The following MOB3A variants were observed in gnomAD, a reference collection of about 807,000 sequenced individuals.
MOB3A encodes the protein MOB LAK.
MOB3A carries 17 observed loss-of-function variants against 17.8 expected under a neutral mutation model. That is an observed-to-expected ratio of 0.95 (90% CI 0.65 to 1.43). The LOEUF is 1.43. Ranked by LOEUF, MOB3A falls within the 40% of genes most tolerant of loss-of-function variation. The pLI is 0.00. For missense variants in MOB3A, 333 were observed against 310.8 expected (o/e 1.07, Z -0.54); for synonymous variants, 124 against 133.2 (o/e 0.93, Z 0.48).
chr19:2,094,233 G>A (rs191232315), intron 1 of MOB3A, among the ~76,000 whole-genome samples: 1 of 151,896 alleles, frequency 6.6e-6, no homozygotes, highest in Non-Finnish European at 1.5e-5. Flanking sequence ...CTTTTTAGTA[G>A]AGACGGGGTT....
Position 2,093,039 on chromosome 19 carries a change from C to T in MOB3A, c.-274+3187G>A, listed in dbSNP as rs926383511. 2.0e-5 allele frequency among the ~76,000 whole-genome samples: 3 copies of T among 152,072 alleles called. No homozygotes were observed. Among genetic ancestry groups the T allele is most frequent in the Admixed American group, 6.6e-5 (1 of 15,264 alleles). On this transcript the variant is annotated intron_variant, in intron 1 of 4. Coordinates refer to ENST00000357066, the MANE Select transcript of MOB3A (RefSeq NM_130807.3). The surrounding 1 kb of genome is among the most constrained non-coding windows in gnomAD (Gnocchi z 4.6). ...CCAGGAAAACAGGAACAGAGCTCAT[C>T]GGCTGGGGAAGGTCTAAAACTCCCC...
intron 2 of MOB3A, among the ~76,000 whole-genome samples, chr19:2,080,511 G>A (rs1414268753): frequency 1.3e-5 from 2 of 151,978 alleles, no homozygotes; most frequent in Non-Finnish European, 2.9e-5. Flanking sequence ...CCGAGTAGCT[G>A]GCACTACAGG....
chr19:2,086,590 T>C (rs1421364442), intron 1 of MOB3A, among the ~76,000 whole-genome samples: 1 of 151,634 alleles, frequency 6.6e-6, no homozygotes, highest in Non-Finnish European at 1.5e-5. Flanking sequence ...ACTCCTGACC[T>C]CAGGTGATCT....
intron 4 of MOB3A, 89 bp downstream of exon 4, chr19:2,076,722 C>G: frequency 7.3e-7 from 1 of 1,372,792 alleles, no homozygotes; most frequent in Non-Finnish European, 1.0e-6. Flanking sequence ...CGACCGCAAG[C>G]AGTCAGGGTC....
chr19:2,095,699 A>C (rs897231984), intron 1 of MOB3A, among the ~76,000 whole-genome samples: 11 of 149,484 alleles, frequency 7.4e-5, no homozygotes, highest in Admixed American at 6.6e-4. Context: ...CCCCTCCTGA[A>C]GGATCCGGCT....
intron 2 of MOB3A, among the ~76,000 whole-genome samples, chr19:2,080,958 TG>T (rs1224953424): frequency 6.6e-6 from 1 of 152,006 alleles, no homozygotes; most frequent in African/African-American, 2.4e-5. Flanking sequence ...CTGAGCAACA[TG>T]GCAAGACCTC....
In MOB3A at chr19:2,072,174, C is replaced by G. The variant is rs2017346729; in HGVS notation, c.*1221G>C. On this transcript the variant is annotated 3_prime_UTR_variant, in exon 5 of 5. Coordinates refer to ENST00000357066, the MANE Select transcript of MOB3A (RefSeq NM_130807.3). ...AGCCTGGTTAGGCCGGGTGCAGTAG[C>G]TCATGCCTGTAATCCCAGCACTTTT... The G allele has an allele frequency of 6.6e-6, 1 of 152,108 alleles. No individual in the cohort carries two copies. Among genetic ancestry groups the G allele is most frequent in the Admixed American group, 6.6e-5 (1 of 15,258 alleles). 9.4% of individuals were successfully genotyped at this position (152,108 alleles called of 1,614,324 possible). A position where few individuals can be genotyped will look rare whatever the true frequency, so the allele number is the denominator to read the frequency against.
intron 2 of MOB3A, among the ~76,000 whole-genome samples, chr19:2,083,670 C>T (rs945745021): frequency 3.9e-5 from 6 of 152,204 alleles, no homozygotes; most frequent in Admixed American, 6.6e-5. Context: ...ACATCTGGGC[C>T]GACTCACAGC....
rs1036097194 is a variant in MOB3A at position 2,085,963 on chromosome 19, C to CAA, written c.-273-637_-273-636dup. Among the ~76,000 whole-genome samples, 231 of 32,228 alleles carry CAA rather than the reference C, an allele frequency of 7.2e-3. 1 individual carries two copies. The highest frequency in any genetic ancestry group is 0.01 in the East Asian group (10 of 994). 21.1% of individuals were successfully genotyped at this position (32,228 alleles called of 152,430 possible). ...TGGGCGACAGAGCAAGACTCTGTCT[C>CAA]AAAAAAAAAAAAAAAAAAAAAAAGG... On this transcript the variant is annotated intron_variant, in intron 1 of 4. Coordinates refer to ENST00000357066, the MANE Select transcript of MOB3A (RefSeq NM_130807.3).
Position 2,090,443 on chromosome 19 carries a change from C to T in MOB3A, c.-273-5115G>A, listed in dbSNP as rs116586768. ...AACACCGGACGATGTCTGGGGACAT[C>T]TGTGGTTGTCAGGTTTTGGGGGAAC... On this transcript the variant is annotated intron_variant, in intron 1 of 4. Coordinates refer to ENST00000357066, the MANE Select transcript of MOB3A (RefSeq NM_130807.3). Among the ~76,000 whole-genome samples, 1,078 of 152,216 alleles carry T rather than the reference C, an allele frequency of 7.1e-3. 15 individuals carry two copies. The highest frequency in any genetic ancestry group is 0.024 in the African/African-American group (1,012 of 41,520).
At chr19:2,087,906 C>T (rs761539940) in intron 1 of MOB3A, among the ~76,000 whole-genome samples, 5 of 152,212 alleles carry the variant, frequency 3.3e-5, no homozygotes, top group Non-Finnish European at 7.3e-5. Flanking sequence ...CGACTTGGCA[C>T]CGCCTTCTTG....
intron 1 of MOB3A, chr19:2,089,934 T>G (rs2017594321): frequency 6.6e-6 from 1 of 151,338 alleles, no homozygotes. Context: ...CAAACACAAA[T>G]GCACCCCCCG....
At chr19:2,079,969 G>A (rs907470461) in intron 2 of MOB3A, among the ~76,000 whole-genome samples, 2 of 152,216 alleles carry the variant, frequency 1.3e-5, no homozygotes, top group African/African-American at 4.8e-5. Flanking sequence ...AATTCTCAGG[G>A]GACAGAGACA....
intron 1 of MOB3A, among the ~76,000 whole-genome samples, chr19:2,091,945 C>T (rs1366517089): frequency 2.0e-5 from 3 of 149,224 alleles, no homozygotes; most frequent in Non-Finnish European, 3.0e-5. Context: ...TGCAGTGAGC[C>T]GAGATTGTGC....
intron 2 of MOB3A, among the ~76,000 whole-genome samples, chr19:2,084,824 C>T (rs376072810): frequency 7.2e-5 from 11 of 152,150 alleles, no homozygotes; most frequent in African/African-American, 9.6e-5. Flanking sequence ...CTCTTTACCT[C>T]GTGATCTGCC....
intron 2 of MOB3A, among the ~76,000 whole-genome samples, chr19:2,081,011 G>A (rs924925909): frequency 1.3e-5 from 2 of 152,116 alleles, no homozygotes; most frequent in African/African-American, 2.4e-5. Flanking sequence ...GTGTAGTGGC[G>A]CATGCCTGTA....
Position 2,090,424 on chromosome 19 carries a change from G to A in MOB3A, c.-273-5096C>T, listed in dbSNP as rs1048659058. On this transcript the variant is annotated intron_variant, in intron 1 of 4. Transcript: ENST00000357066. ...GGTGAAGATTCTGCCCCTCAACACC[G>A]GACGATGTCTGGGGACATCTGTGGT... Among the ~76,000 whole-genome samples the A allele has an allele frequency of 6.6e-5, 10 of 152,226 alleles. No individual in the cohort carries two copies. The East Asian group carries it at 7.7e-4, about 12-fold the overall frequency.
chr19:2,081,325 C>G (rs576870157), intron 2 of MOB3A, among the ~76,000 whole-genome samples: 18 of 152,170 alleles, frequency 1.2e-4, no homozygotes, highest in Admixed American at 8.5e-4. Context: ...TGGTGGCTCA[C>G]GCCTGTAATC....
chr19:2,088,870 T>G lies in MOB3A; in HGVS notation c.-273-3542A>C, dbSNP rs1258205011. 4.6e-5 allele frequency among the ~76,000 whole-genome samples: 7 copies of G among 152,326 alleles called. No homozygotes were observed. The South Asian group carries it at 1.0e-3, about 23-fold the overall frequency. The stretch of plus-strand genomic sequence containing the variant: ...CTCCCACCTTGGCCTCCCAAAGTGC[T>G]GGGATTATAGACATGAGCCACGGAG... On this transcript the variant is annotated intron_variant, in intron 1 of 4. Coordinates refer to ENST00000357066, the MANE Select transcript of MOB3A (RefSeq NM_130807.3).
Sources: allele counts gnomAD v4.1 joint callset (sites outside exome capture counted in the v4.1 genomes callset), GRCh38; gene constraint gnomAD v4.1.1; non-coding constraint Gnocchi (gnomAD v3.1); transcripts MANE v1.5; gene names NCBI Gene and HGNC (gene_info 2026-07-23, HGNC 2026-07-21).